The following NDUFAF2 variants were observed in gnomAD, a reference collection of about 807,000 sequenced individuals.
NDUFAF2 encodes NADH dehydrogenase [ubiquinone] 1 alpha subcomplex assembly factor 2.
A neutral mutation model predicts 22.8 loss-of-function variants in NDUFAF2; 13 were observed. That is an observed-to-expected ratio of 0.57 (90% CI 0.37 to 0.91). NDUFAF2 has a LOEUF of 0.91. Ranked by LOEUF, NDUFAF2 falls within the 40% of genes least tolerant of loss-of-function variation. NDUFAF2 has a pLI of 0.01. For synonymous variants in NDUFAF2, 53 were observed against 64.2 expected (o/e 0.83, Z 0.84); for missense variants, 162 against 195.2 (o/e 0.83, Z 1.01).
intron 1 of NDUFAF2, among the ~76,000 whole-genome samples, chr5:61,061,574 C>T (rs565408893): frequency 6.6e-6 from 1 of 152,256 alleles, no homozygotes; most frequent in African/African-American, 2.4e-5. Context: ...CCCTTGGGCC[C>T]AGGATGATAG....
intron 1 of NDUFAF2, among the ~76,000 whole-genome samples, chr5:60,990,452 T>C (rs951829101): frequency 1.3e-5 from 2 of 152,056 alleles, no homozygotes; most frequent in Non-Finnish European, 2.9e-5. Context: ...AAAGTGAAAT[T>C]ATGAGCAATT....
At chr5:61,106,170 G>A (rs952136791) in intron 3 of NDUFAF2, among the ~76,000 whole-genome samples, 1 of 151,382 alleles carries the variant, frequency 6.6e-6, no homozygotes, top group African/African-American at 2.5e-5. Context: ...AAATCATTGA[G>A]TCAAACTCTG....
At chr5:61,040,286 A>ACACACATGCGCGCGCGCGCG (rs1491193758) in intron 1 of NDUFAF2, among the ~76,000 whole-genome samples, 1 of 93,074 alleles carries the variant, frequency 1.1e-5, no homozygotes, top group African/African-American at 4.3e-5. Context: ...ACACACACAC[A>ACACACATGCGCGCGCGCGCG]CGCGCGCGCG....
At chr5:60,982,951 T>C (rs921392670) in intron 1 of NDUFAF2, among the ~76,000 whole-genome samples, 1 of 151,924 alleles carries the variant, frequency 6.6e-6, no homozygotes, top group Admixed American at 6.6e-5. Flanking sequence ...TATTTCTAGT[T>C]CTAGATTCCT....
chr5:61,142,182 C>T (rs1741070160), intron 3 of NDUFAF2, among the ~76,000 whole-genome samples: 1 of 152,106 alleles, frequency 6.6e-6, no homozygotes, highest in Non-Finnish European at 1.5e-5. Context: ...TAATGTTTAA[C>T]TGCTAAATTT....
At chr5:61,097,428 A>AT (rs1449883714) in intron 2 of NDUFAF2, among the ~76,000 whole-genome samples, 1 of 152,236 alleles carries the variant, frequency 6.6e-6, no homozygotes, top group Non-Finnish European at 1.5e-5. Context: ...TATGTAATTC[A>AT]TTGAATAAGT....
intron 1 of NDUFAF2, among the ~76,000 whole-genome samples, chr5:60,982,735 A>T (rs1203220414): frequency 2.6e-5 from 4 of 151,784 alleles, no homozygotes; most frequent in African/African-American, 7.3e-5. Context: ...GAACTCATCA[A>T]TTTTTATGGC....
chr5:61,127,953 A>C (rs1321817310), intron 3 of NDUFAF2, among the ~76,000 whole-genome samples: 2 of 152,234 alleles, frequency 1.3e-5, no homozygotes, highest in African/African-American at 4.8e-5. Flanking sequence ...GCAAAGTCTC[A>C]GGATATAAAA....
intron 1 of NDUFAF2, among the ~76,000 whole-genome samples, chr5:60,993,626 G>A (rs1012604164): frequency 3.3e-5 from 5 of 152,102 alleles, no homozygotes; most frequent in Non-Finnish European, 5.9e-5. Flanking sequence ...GCCCTGGAGT[G>A]GGTAGTTCCT....
intron 3 of NDUFAF2, among the ~76,000 whole-genome samples, chr5:61,136,005 T>TCATATATATATATATATATATATATATA (rs1411594766): frequency 3.1e-5 from 3 of 96,052 alleles, no homozygotes; most frequent in African/African-American, 1.6e-4. Context: ...AAGCCTGTCT[T>TCATATATATATATATATATATATATATA]TATATATATA....
At chr5:60,989,324 G>T (rs909085165) in intron 1 of NDUFAF2, among the ~76,000 whole-genome samples, 1 of 152,124 alleles carries the variant, frequency 6.6e-6, no homozygotes, top group African/African-American at 2.4e-5. Context: ...GTGTAAATTA[G>T]TTCACCCATT....
intron 1 of NDUFAF2, among the ~76,000 whole-genome samples, chr5:60,971,915 T>C (rs967106456): frequency 1.3e-5 from 2 of 151,760 alleles, no homozygotes; most frequent in African/African-American, 2.4e-5. Context: ...GATACAACTT[T>C]GCCCATTCTT....
chr5:61,053,613 G>A (rs1561552129), intron 1 of NDUFAF2, among the ~76,000 whole-genome samples: 1 of 152,148 alleles, frequency 6.6e-6, no homozygotes. Flanking sequence ...AGTTTCTGTG[G>A]CTAAAAGGAT....
At chr5:61,085,836 C>T (rs947804151) in intron 2 of NDUFAF2, among the ~76,000 whole-genome samples, 5 of 151,812 alleles carry the variant, frequency 3.3e-5, no homozygotes, top group African/African-American at 7.3e-5. Context: ...AAATATCAGC[C>T]GGGTGAGGTG....
chr5:61,073,032 T>C (rs919004862), intron 1 of NDUFAF2, 93 bp from the exon 2 acceptor site: 7 of 774,502 alleles, frequency 9.0e-6, no homozygotes, highest in Middle Eastern at 3.7e-4. Context: ...ATTCTTTTAC[T>C]ATATAAGGGG....
chr5:60,983,645 T>G (rs1751023586), intron 1 of NDUFAF2, among the ~76,000 whole-genome samples: 1 of 151,322 alleles, frequency 6.6e-6, no homozygotes, highest in African/African-American at 2.4e-5. Context: ...CAGCACCATT[T>G]ATTAAATAGG....
At chr5:61,114,059 T>C (rs550229412) in intron 3 of NDUFAF2, among the ~76,000 whole-genome samples, 6 of 152,210 alleles carry the variant, frequency 3.9e-5, no homozygotes, top group Non-Finnish European at 8.8e-5. Flanking sequence ...TACTTGAATA[T>C]TGATATCTTT....
At position 61,011,644 on chromosome 5, in the gene NDUFAF2, C is replaced by T. The variant is rs559895321; in HGVS notation, c.128-61481C>T. ...GCTTCTGAACCTGTTTCTTCAGCCT[C>T]CCAACAATTATGTGAGCCATCCAAC... On this transcript the variant is annotated intron_variant, in intron 1 of 3. Coordinates refer to ENST00000296597, the MANE Select transcript of NDUFAF2 (RefSeq NM_174889.5). Among the ~76,000 whole-genome samples the T allele has an allele frequency of 2.0e-5, 3 of 152,166 alleles. No homozygotes were observed. The East Asian group carries it at 5.8e-4, about 29-fold the overall frequency.
At chr5:61,111,294 T>C (rs1752837572) in intron 3 of NDUFAF2, among the ~76,000 whole-genome samples, 1 of 152,190 alleles carries the variant, frequency 6.6e-6, no homozygotes, top group Non-Finnish European at 1.5e-5. Flanking sequence ...TCTGCAGCTG[T>C]TTGATGAAAT....
Sources: gnomAD v4.1 joint callset for allele counts (sites outside exome capture counted in the v4.1 genomes callset) on GRCh38, gnomAD v4.1.1 for gene constraint, MANE v1.5 for transcripts, NCBI Gene and HGNC (gene_info 2026-07-23, HGNC 2026-07-21) for gene names.